Variants in SARS1 observed in about 807,000 individuals in gnomAD.
The protein encoded by SARS1 is serine--tRNA ligase, cytoplasmic.
Under a neutral mutation model 63.7 loss-of-function variants are expected in SARS1, and 25 were observed. The ratio of observed to expected loss-of-function variants is 0.39; its 90% CI spans 0.29 to 0.55. The LOEUF (loss-of-function observed/expected upper bound fraction) is 0.55, where lower values mean the gene tolerates loss of function less well. Among genes scored for constraint, SARS1 ranks in the 20% least tolerant of loss-of-function variants. The pLI, the probability that SARS1 is intolerant of heterozygous loss-of-function variation, is 0.62. For synonymous variants in SARS1, 231 were observed against 243.5 expected (o/e 0.95, Z 0.48); for missense variants, 417 against 649.7 (o/e 0.64, Z 3.89).
In SARS1 at chr1:109,213,959, T is replaced by G; in HGVS notation, c.-34T>G. 6.3e-7 allele frequency: 1 copy of G among 1,590,604 alleles called. No homozygotes were observed. The highest frequency in any genetic ancestry group is 1.1e-5 in the South Asian group (1 of 88,860). On this transcript the variant is annotated 5_prime_UTR_variant, in exon 1 of 11. Coordinates refer to ENST00000234677, the MANE Select transcript of SARS1 (RefSeq NM_006513.4). ...AGGCTGAGTGCTGCGGCGCGATCCT[T>G]GCTTCCCTGAGCGTTGGCCCGGGAG...
intron 6 of SARS1, 87 bp downstream of exon 6, chr1:109,231,873 CTT>C: frequency 8.6e-7 from 1 of 1,160,514 alleles, no homozygotes; most frequent in Non-Finnish European, 1.1e-6. Flanking sequence ...TCCAATAGGA[CTT>C]TCTGCGATGA....
At chr1:109,230,744 G>A in intron 4 of SARS1, 134 bp from the exon 5 acceptor site, 1 of 644,182 alleles carries the variant, frequency 1.6e-6, no homozygotes, top group Non-Finnish European at 2.4e-6. Context: ...GGTTGAGGCT[G>A]CAGTGAGCCA....
In SARS1 at chr1:109,214,541, TG is replaced by T. The variant is rs2101177534; in HGVS notation, c.136+414del. Reference sequence around the variant, plus strand: ...AGGCCAGAGTGGTTTTCCTTTGTTTTGATAGGATCAAAGGCTTCTCCTGAGA... The same window carrying T: ...AGGCCAGAGTGGTTTTCCTTTGTTTTATAGGATCAAAGGCTTCTCCTGAGA... On this transcript the variant is annotated intron_variant, in intron 1 of 10. Coordinates refer to ENST00000234677, the MANE Select transcript of SARS1 (RefSeq NM_006513.4). The surrounding 1 kb of genome is among the most constrained non-coding windows in gnomAD (Gnocchi z 4.6). 1.0e-6 allele frequency: 1 copy of T among 1,001,688 alleles called. No homozygotes were observed. The highest frequency in any genetic ancestry group is 1.1e-4 in the East Asian group (1 of 9,336). 62.0% of individuals were successfully genotyped at this position (1,001,688 alleles called of 1,614,324 possible). A position where few individuals can be genotyped will look rare whatever the true frequency, so the allele number is the denominator to read the frequency against.
At chr1:109,232,125 C>T (rs775132601) in intron 6 of SARS1, among the ~76,000 whole-genome samples, 1 of 152,120 alleles carries the variant, frequency 6.6e-6, no homozygotes, top group Non-Finnish European at 1.5e-5. Context: ...GGTGCTTGGA[C>T]AAAAGGAAAT....
intron 5 of SARS1, 60 bp downstream of exon 5, chr1:109,231,081 A>AT: frequency 1.8e-5 from 15 of 855,888 alleles, no homozygotes; most frequent in East Asian, 1.3e-4. Context: ...ATATATATAT[A>AT]TATTTTTTTT....
chr1:109,228,509 A>C, intron 3 of SARS1, 77 bp downstream of exon 3: 1 of 934,928 alleles, frequency 1.1e-6, no homozygotes, highest in East Asian at 2.4e-5. Flanking sequence ...AAGTGCTCTC[A>C]CTCTGCTCCA....
intron 1 of SARS1, among the ~76,000 whole-genome samples, chr1:109,221,800 G>GTTTTAT (rs1465621471): frequency 4.6e-5 from 7 of 151,222 alleles, no homozygotes; most frequent in Non-Finnish European, 1.0e-4. Context: ...ATTTGGTTTT[G>GTTTTAT]TTTTATTTTC....
chr1:109,235,148 T>C lies in SARS1; in HGVS notation c.748-62T>C, dbSNP rs1655282548. 1 of 1,340,648 alleles carries C rather than the reference T, an allele frequency of 7.5e-7. No homozygotes were observed. Among genetic ancestry groups the C allele is most frequent in the Admixed American group, 1.7e-5 (1 of 59,014 alleles). The allele number at this position is 1,340,648 out of a possible 1,614,324, so 83.0% of individuals were successfully genotyped here. A position where few individuals can be genotyped will look rare whatever the true frequency, so the allele number is the denominator to read the frequency against. ...TATTATTGATCTCTTTCTTGTGGTT[T>C]CTTATTCTAGCCAAGGTCCTCCCCA... On this transcript the variant is annotated intron_variant, in intron 6 of 10. Transcript: ENST00000234677. The surrounding 1 kb of genome is among the most constrained non-coding windows in gnomAD (Gnocchi z 4.7).
chr1:109,235,502 C>A lies in SARS1; in HGVS notation c.969+71C>A. On this transcript the variant is annotated intron_variant, in intron 7 of 10. Transcript: ENST00000234677. The surrounding 1 kb of genome is among the most constrained non-coding windows in gnomAD (Gnocchi z 4.7). Reference sequence around the variant, plus strand: ...AGAATGGTTAGATGAGAGATAGGATCTGTGTTGCTGAGGCCCATCCTGGCT... The same window carrying A: ...AGAATGGTTAGATGAGAGATAGGATATGTGTTGCTGAGGCCCATCCTGGCT... The A allele has an allele frequency of 8.0e-7, 1 of 1,255,334 alleles. No homozygotes were observed. Among genetic ancestry groups the A allele is most frequent in the South Asian group, 1.3e-5 (1 of 76,490 alleles). 77.8% of individuals were successfully genotyped at this position (1,255,334 alleles called of 1,614,324 possible).
chr1:109,225,325 G>A (rs1037094831), intron 2 of SARS1, among the ~76,000 whole-genome samples: 9 of 152,116 alleles, frequency 5.9e-5, no homozygotes, highest in African/African-American at 1.4e-4. Flanking sequence ...CACTTTCAGC[G>A]TGTAACACTT....
At chr1:109,225,533 A>G (rs532301829) in intron 2 of SARS1, among the ~76,000 whole-genome samples, 26 of 152,340 alleles carry the variant, frequency 1.7e-4, no homozygotes, top group Non-Finnish European at 1.9e-4. Context: ...GTCATTCACA[A>G]TAACATTCTT....
chr1:109,233,887 T>TG (rs1655257320), intron 6 of SARS1, among the ~76,000 whole-genome samples: 1 of 144,886 alleles, frequency 6.9e-6, no homozygotes, highest in African/African-American at 2.6e-5. Context: ...TTTTTTTTTT[T>TG]GAGACGGTAT....
chr1:109,220,623 A>G (rs1366316205), intron 1 of SARS1, among the ~76,000 whole-genome samples: 1 of 152,228 alleles, frequency 6.6e-6, no homozygotes, highest in Non-Finnish European at 1.5e-5. Flanking sequence ...CCTGTGAGAT[A>G]CAGATACCAC....
chr1:109,226,567 C>T (rs1002810545), intron 2 of SARS1, among the ~76,000 whole-genome samples: 24 of 147,842 alleles, frequency 1.6e-4, no homozygotes, highest in Admixed American at 1.5e-3. Context: ...AAGCATAGCT[C>T]ACCACAGCCT....
rs916670790 is a variant in SARS1, at chr1:109,235,676, T to C, written c.969+245T>C. Reference sequence around the variant, plus strand: ...TAATGCATAAGCCCCCAGTGCTCCATTTCTGCCTTTGTATGAGGAGGATAA... The same window carrying C: ...TAATGCATAAGCCCCCAGTGCTCCACTTCTGCCTTTGTATGAGGAGGATAA... On this transcript the variant is annotated intron_variant, in intron 7 of 10. Coordinates refer to ENST00000234677, the MANE Select transcript of SARS1 (RefSeq NM_006513.4). This position sits in a 1 kb window ranked among gnomAD's most constrained non-coding sequence, Gnocchi z 4.7. Among the ~76,000 whole-genome samples the C allele has an allele frequency of 1.3e-5, 2 of 152,178 alleles. No homozygotes were observed. Among genetic ancestry groups the C allele is most frequent in the African/African-American group, 4.8e-5 (2 of 41,442 alleles).
chr1:109,226,679 T>TATATATATATATATACAC (rs1655088559), intron 2 of SARS1, among the ~76,000 whole-genome samples: 4 of 60,798 alleles, frequency 6.6e-5, no homozygotes, highest in East Asian at 5.8e-4. Flanking sequence ...AAAAAAAAAA[T>TATATATATATATATACAC]ATATATATAT....
At chr1:109,217,246 AC>A in intron 1 of SARS1, 1 of 566,144 alleles carries the variant, frequency 1.8e-6, no homozygotes. Context: ...TGCATGAAAT[AC>A]ACATACCCTA....
intron 1 of SARS1, among the ~76,000 whole-genome samples, chr1:109,219,262 C>CATATCTAT (rs1654866126): frequency 1.3e-5 from 1 of 76,936 alleles, no homozygotes; most frequent in Non-Finnish European, 2.8e-5. Flanking sequence ...CAAGACTCTC[C>CATATCTAT]ATATATATAT....
At position 109,214,191 on chromosome 1, in the gene SARS1, A is replaced by T; in HGVS notation, c.136+63A>T. ...AAACCCAATTTTCTCTCTCAAATCC[A>T]GCCACCGCTCCTGAGGCCACAGCTT... On this transcript the variant is annotated intron_variant, in intron 1 of 10. Coordinates refer to ENST00000234677, the MANE Select transcript of SARS1 (RefSeq NM_006513.4). This position sits in a 1 kb window ranked among gnomAD's most constrained non-coding sequence, Gnocchi z 4.6. 1 of 1,560,848 alleles carries T rather than the reference A, an allele frequency of 6.4e-7. No homozygotes were observed. The highest frequency in any genetic ancestry group is 8.7e-7 in the Non-Finnish European group (1 of 1,150,210).
Sources: allele counts gnomAD v4.1 joint callset (sites outside exome capture counted in the v4.1 genomes callset), GRCh38; gene constraint gnomAD v4.1.1; non-coding constraint Gnocchi (gnomAD v3.1); transcripts MANE v1.5; gene names NCBI Gene and HGNC (gene_info 2026-07-23, HGNC 2026-07-21).